Variants in HAND1 observed in about 807,000 individuals in gnomAD.
HAND1 encodes the protein heart and neural crest derivatives expressed 1, also known as heart- and neural crest derivatives-expressed protein 1.
In HAND1, 10 loss-of-function variants were observed where a neutral mutation model predicts 14.5. The ratio of observed to expected loss-of-function variants is 0.69; its 90% CI spans 0.42 to 1.17. The LOEUF (loss-of-function observed/expected upper bound fraction) is 1.17. HAND1 is among the 50% of genes most tolerant of loss of function. HAND1 has a pLI of 0.00. For missense variants in HAND1, 299 were observed against 298.4 expected (o/e 1.00, Z -0.01); for synonymous variants, 128 against 127.1 (o/e 1.01, Z -0.05).
chr5:154,478,136 A>G lies in HAND1; in HGVS notation c.-128T>C. On this transcript the variant is annotated 5_prime_UTR_variant, in exon 1 of 2. Coordinates refer to ENST00000231121, the MANE Select transcript of HAND1 (RefSeq NM_004821.3). The surrounding 1 kb of genome is among the most constrained non-coding windows in gnomAD (Gnocchi z 4.5). ...CGCCGGCTTTGGGAGAGTCCGGGCA[A>G]GGCTGAAAATGAGACGCGCAGCCCA... is the stretch of plus-strand genomic sequence containing the variant. 1 of 1,044,534 alleles carries G rather than the reference A, an allele frequency of 9.6e-7. No homozygotes were observed. The highest frequency in any genetic ancestry group is 2.5e-5 in the East Asian group (1 of 39,854). The allele number at this position is 1,044,534 out of a possible 1,614,324, so 64.7% of individuals were successfully genotyped here.
At chr5:154,477,266 C>T (rs1052563905) in intron 1 of HAND1, among the ~76,000 whole-genome samples, 200 bp downstream of exon 1, 6 of 152,188 alleles carry the variant, frequency 3.9e-5, no homozygotes, top group Non-Finnish European at 8.8e-5. Flanking sequence ...AAACACTCTC[C>T]CGTATTACAA....
At chr5:154,476,627 C>T (rs948016806) in intron 1 of HAND1, among the ~76,000 whole-genome samples, 6 of 152,142 alleles carry the variant, frequency 3.9e-5, no homozygotes, top group African/African-American at 1.4e-4. Flanking sequence ...CCACAGGCCC[C>T]CGCAGGTTGG....
In HAND1 at chr5:154,477,763, G is replaced by T. The variant is rs1198480966; in HGVS notation, c.246C>A (p.Pro82=). 6.2e-6 allele frequency: 10 copies of T among 1,608,378 alleles called. No homozygotes were observed. The East Asian group carries it at 2.2e-4, about 36-fold the overall frequency. ...GGCCGCCAAGCGCCTCCAGCCGCCC[G>T]GGGCTCTGCCCAGGCCTGGCGTCAG... ...YGPDARPGQS[P]GRLEALGGRL... The change falls in exon 1 of 2, where the codon CCC becomes CCA. Residue 82 remains proline, a synonymous_variant. Transcript: ENST00000231121.
Position 154,478,152 on chromosome 5 carries a change from G to A in HAND1, c.-144C>T. 2 of 839,890 alleles carry A rather than the reference G, an allele frequency of 2.4e-6. No homozygotes were observed. The highest frequency in any genetic ancestry group is 3.8e-6 in the Non-Finnish European group (2 of 529,882). 52.0% of individuals were successfully genotyped at this position (839,890 alleles called of 1,614,324 possible). On this transcript the variant is annotated 5_prime_UTR_variant, in exon 1 of 2. Coordinates refer to ENST00000231121, the MANE Select transcript of HAND1 (RefSeq NM_004821.3). This position sits in a 1 kb window ranked among gnomAD's most constrained non-coding sequence, Gnocchi z 4.5. ...GTCCGGGCAAGGCTGAAAATGAGAC[G>A]CGCAGCCCACTGTCTTCTTACCGGT...
chr5:154,477,086 C>T (rs1336233916), intron 1 of HAND1, among the ~76,000 whole-genome samples: 2 of 152,126 alleles, frequency 1.3e-5, no homozygotes, highest in Non-Finnish European at 2.9e-5. Context: ...GAACCGAGCC[C>T]GGGCACATAA....
At position 154,478,040 on chromosome 5, in the gene HAND1, C is replaced by T; in HGVS notation, c.-32G>A. On this transcript the variant is annotated 5_prime_UTR_variant, in exon 1 of 2. Coordinates refer to ENST00000231121, the MANE Select transcript of HAND1 (RefSeq NM_004821.3). This position sits in a 1 kb window ranked among gnomAD's most constrained non-coding sequence, Gnocchi z 4.5. The stretch of plus-strand genomic sequence containing the variant: ...GCGGCTACTGGCCTGCGCCGCCAGC[C>T]CTATTAACGCCGCTCCATGCGCCCC... 1 of 1,596,118 alleles carries T rather than the reference C, an allele frequency of 6.3e-7. No homozygotes were observed.
intron 1 of HAND1, among the ~76,000 whole-genome samples, chr5:154,476,304 T>C (rs1401261662): frequency 6.6e-6 from 1 of 152,040 alleles, no homozygotes; most frequent in African/African-American, 2.4e-5. Context: ...CCCAACCTGG[T>C]TTAAACATCA....
In HAND1 at chr5:154,475,495, G is replaced by C. The variant is rs969824667; in HGVS notation, c.*311C>G. 1 of 424,598 alleles carries C rather than the reference G, an allele frequency of 2.4e-6. No homozygotes were observed. Among genetic ancestry groups the C allele is most frequent in the Non-Finnish European group, 4.4e-6 (1 of 228,922 alleles). 26.3% of individuals were successfully genotyped at this position (424,598 alleles called of 1,614,324 possible). On this transcript the variant is annotated 3_prime_UTR_variant, in exon 2 of 2. Coordinates refer to ENST00000231121, the MANE Select transcript of HAND1 (RefSeq NM_004821.3). ...TCGCTCCAAAAGGGTGGAAGAGTGC[G>C]TCTTTGAGCCCTTGGGTTCGACAGT...
intron 1 of HAND1, among the ~76,000 whole-genome samples, chr5:154,476,803 G>C (rs890300525): frequency 1.3e-5 from 2 of 152,196 alleles, no homozygotes; most frequent in African/African-American, 4.8e-5. Flanking sequence ...AGAGGATCAA[G>C]AAGGCCAAGA....
At chr5:154,476,610 C>G (rs1428652910) in intron 1 of HAND1, among the ~76,000 whole-genome samples, 1 of 152,172 alleles carries the variant, frequency 6.6e-6, no homozygotes, top group Non-Finnish European at 1.5e-5. Flanking sequence ...GAGCTTTCGT[C>G]AGTTTACCAC....
Position 154,478,047 on chromosome 5 carries a change from A to C in HAND1, c.-39T>G, listed in dbSNP as rs1757578609. 1 of 1,595,542 alleles carries C rather than the reference A, an allele frequency of 6.3e-7. No individual in the cohort carries two copies. ...CTGGCCTGCGCCGCCAGCCCTATTA[A>C]CGCCGCTCCATGCGCCCCAGAGACT... On this transcript the variant is annotated 5_prime_UTR_variant, in exon 1 of 2. Coordinates refer to ENST00000231121, the MANE Select transcript of HAND1 (RefSeq NM_004821.3). The surrounding 1 kb of genome is among the most constrained non-coding windows in gnomAD (Gnocchi z 4.5).
Position 154,477,851 on chromosome 5 carries a change from G to A in HAND1, c.158C>T (p.Ala53Val), listed in dbSNP as rs1251644234. Residue 53 changes from alanine to valine, a missense_variant, in exon 1 of 2, where the codon GCC becomes GTC. By Grantham distance (64) the Ala-to-Val change is moderately conservative (BLOSUM62 0). Coordinates refer to ENST00000231121, the MANE Select transcript of HAND1 (RefSeq NM_004821.3). ...QSWLLSPADA[A>V]PDFPAGGPPP... ...CGGCCCGCCCGCAGGGAAGTCCGGG[G>A]CAGCGTCAGCCGGGCTCAGCAGCCA... The A allele has an allele frequency of 1.2e-6, 2 of 1,601,582 alleles. No individual in the cohort carries two copies. The highest frequency in any genetic ancestry group is 1.7e-6 in the Non-Finnish European group (2 of 1,179,444).
At chr5:154,476,550 G>A (rs531484726) in intron 1 of HAND1, among the ~76,000 whole-genome samples, 5 of 152,302 alleles carry the variant, frequency 3.3e-5, no homozygotes, top group Admixed American at 1.3e-4. Flanking sequence ...CCAGTCCGGG[G>A]CAGCCGTTTA....
chr5:154,477,425 T>TTCGACTA (rs2113302824), intron 1 of HAND1, 41 bp downstream of exon 1: 1 of 1,506,198 alleles, frequency 6.6e-7, no homozygotes, highest in East Asian at 2.3e-5. Context: ...TGCTCACCGC[T>TTCGACTA]CCTGCACCCT....
chr5:154,475,552 G>A lies in HAND1; in HGVS notation c.*254C>T, dbSNP rs1203746471. The A allele has an allele frequency of 3.9e-6, 2 of 510,974 alleles. No individual in the cohort carries two copies. Among genetic ancestry groups the A allele is most frequent in the Non-Finnish European group, 7.1e-6 (2 of 281,670 alleles). The allele number at this position is 510,974 out of a possible 1,614,324, so 31.7% of individuals were successfully genotyped here. ...TTCTTGCATGTTGCCGCCAAGGGCC[G>A]CCCTCGGTTGGGCTGGGGGTGGATA... On this transcript the variant is annotated 3_prime_UTR_variant, in exon 2 of 2. Coordinates refer to ENST00000231121, the MANE Select transcript of HAND1 (RefSeq NM_004821.3).
At position 154,477,985 on chromosome 5, in the gene HAND1, T is replaced by G. The variant is rs1321521650; in HGVS notation, c.24A>C (p.Ala8=). 1 of 1,597,958 alleles carries G rather than the reference T, an allele frequency of 6.3e-7. No homozygotes were observed. The highest frequency in any genetic ancestry group is 8.5e-7 in the Non-Finnish European group (1 of 1,179,880). The part of the protein sequence containing the change: MNLVGSY[A]HHHHHHHPHP... ...GCGGGTGGTGATGGTGGTGATGGTG[T>G]GCGTAGCTGCCCACGAGGTTCATGT... Residue 8 remains alanine (A), a synonymous_variant, in exon 1 of 2, where the codon GCA becomes GCC. Coordinates refer to ENST00000231121, the MANE Select transcript of HAND1 (RefSeq NM_004821.3).
chr5:154,477,617 G>C lies in HAND1; in HGVS notation c.392C>G (p.Ser131Cys). The stretch of plus-strand genomic sequence containing the variant: ...GGCTAGGCGCAGAGTCTTGATCTTG[G>C]AGAGCTTGGTGTCGGCCGGCACGTT... Reference protein sequence around the residue: ...IPNVPADTKLSKIKTLRLATS... With the variant: ...IPNVPADTKLCKIKTLRLATS... Residue 131 changes from serine (S) to cysteine (C), a missense_variant, in exon 1 of 2, where the codon TCC (serine) becomes TGC (cysteine). Transcript: ENST00000231121. 1 of 1,614,260 alleles carries C rather than the reference G, an allele frequency of 6.2e-7. No homozygotes were observed. The highest frequency in any genetic ancestry group is 8.5e-7 in the Non-Finnish European group (1 of 1,180,048).
In HAND1 at chr5:154,475,723, G is replaced by A. The variant is rs377327099; in HGVS notation, c.*83C>T. 3.2e-5 allele frequency: 33 copies of A among 1,020,620 alleles called. No homozygotes were observed. The highest frequency in any genetic ancestry group is 1.2e-4 in the East Asian group (5 of 40,918). 63.2% of individuals were successfully genotyped at this position (1,020,620 alleles called of 1,614,324 possible). A position where few individuals can be genotyped will look rare whatever the true frequency, so the allele number is the denominator to read the frequency against. ...GTAGCACCAGTCGCCGGAGCCCAGA[G>A]CCTGGCGTTCGCCGCTGCCTTCCTC... On this transcript the variant is annotated 3_prime_UTR_variant, in exon 2 of 2. Transcript: ENST00000231121.
chr5:154,475,987 G>T (rs1434600890), intron 1 of HAND1, 77 bp from the exon 2 acceptor site: 1 of 1,068,340 alleles, frequency 9.4e-7, no homozygotes, highest in Non-Finnish European at 1.4e-6. Flanking sequence ...CCGGCATGGG[G>T]TAAGATGAGG....
Sources: allele counts gnomAD v4.1 joint callset (sites outside exome capture counted in the v4.1 genomes callset), GRCh38; gene constraint gnomAD v4.1.1; non-coding constraint Gnocchi (gnomAD v3.1); transcripts MANE v1.5; gene names NCBI Gene and HGNC (gene_info 2026-07-23, HGNC 2026-07-21).